SLC2A9: variants seen among roughly 807,000 people sequenced by gnomAD.
The protein encoded by SLC2A9 is solute carrier family 2 member 9.
Under a neutral mutation model 50.6 loss-of-function variants are expected in SLC2A9, and 39 were observed. The ratio of observed to expected loss-of-function variants is 0.77; its 90% CI spans 0.60 to 1.01. The LOEUF is 1.01. Among genes scored for constraint, SLC2A9 ranks in the 50% least tolerant of loss-of-function variants. SLC2A9 has a pLI of 0.00. For synonymous variants in SLC2A9, 324 were observed against 276.9 expected, an observed-to-expected ratio of 1.17 and a Z score of -1.69; for missense variants, 686 against 677.6, an observed-to-expected ratio of 1.01 and a Z score of -0.14.
intron 5 of SLC2A9, among the ~76,000 whole-genome samples, chr4:9,972,036 C>T (rs6449196): frequency 0.58 from 87,642 of 152,090 alleles, 26,470 homozygotes; most frequent in African/African-American, 0.77. Context: ...TGTCTTCTTT[C>T]ACCTCCCTGA....
intron 10 of SLC2A9, among the ~76,000 whole-genome samples, chr4:9,859,989 G>C (rs1384354551): frequency 6.6e-6 from 1 of 152,184 alleles, no homozygotes; most frequent in Admixed American, 6.5e-5. Context: ...AAACCTTCCT[G>C]CTGAGCCCTG....
intron 3 of SLC2A9, among the ~76,000 whole-genome samples, chr4:9,805,225 G>C (rs1035986824): frequency 5.3e-5 from 8 of 152,314 alleles, no homozygotes; most frequent in Admixed American, 1.3e-4. Context: ...CTTCACTCCA[G>C]AACCCAGGCT....
At chr4:9,780,655 C>A (rs957832215) in intron 3 of SLC2A9, among the ~76,000 whole-genome samples, 2 of 152,192 alleles carry the variant, frequency 1.3e-5, no homozygotes, top group African/African-American at 2.4e-5. Flanking sequence ...CTGTCACATC[C>A]CTTTCTCTCC....
chr4:9,969,392 A>C (rs2108995816), intron 5 of SLC2A9, among the ~76,000 whole-genome samples: 1 of 152,312 alleles, frequency 6.6e-6, no homozygotes, highest in South Asian at 2.1e-4. Context: ...GTAGTTTTAA[A>C]TTTTTGTCAT....
chr4:9,774,939 G>T (rs1163994913), downstream of SLC2A9, among the ~76,000 whole-genome samples: 1 of 151,900 alleles, frequency 6.6e-6, no homozygotes, highest in African/African-American at 2.4e-5. Flanking sequence ...CCAGCCAAAA[G>T]AAACCCAGCT....
intron 2 of SLC2A9, among the ~76,000 whole-genome samples, chr4:10,016,539 C>G (rs1762636965): frequency 6.6e-6 from 1 of 152,022 alleles, no homozygotes; most frequent in Admixed American, 6.6e-5. Context: ...CGGTAAAGGC[C>G]ACCCTGGCTG....
At chr4:9,868,710 A>C (rs539417884) in intron 10 of SLC2A9, among the ~76,000 whole-genome samples, 1 of 152,220 alleles carries the variant, frequency 6.6e-6, no homozygotes, top group Non-Finnish European at 1.5e-5. Flanking sequence ...CTGTGGGATT[A>C]ACTGAGCGCT....
At position 9,789,727 on chromosome 4, in the gene SLC2A9, T is replaced by C. The variant is rs1475331187; in HGVS notation, n.386-9662A>G. Among the ~76,000 whole-genome samples, 3 of 152,364 alleles carry C rather than the reference T, an allele frequency of 2.0e-5. No homozygotes were observed. In the South Asian group the frequency reaches 6.2e-4, roughly 32 times the overall value. On this transcript the variant is annotated intron_variant and non_coding_transcript_variant, in intron 3 of 3. Transcript: ENST00000503803. The stretch of plus-strand genomic sequence containing the variant: ...CAGGCAGAGCCATCAGACTTTTGCT[T>C]TGACACTGTTAATGAAGTACCATTT...
Position 9,990,160 on chromosome 4 carries a change from T to G in SLC2A9, c.411-4367A>C, listed in dbSNP as rs73805444. ...GCAGCTTTGCTCATGCCTGAGTGCT[T>G]GGCACATAGAAAGTACTCAACAGAT... On this transcript the variant is annotated intron_variant, in intron 3 of 11. Coordinates refer to ENST00000264784, the MANE Select transcript of SLC2A9 (RefSeq NM_020041.3). 3.1e-3 allele frequency among the ~76,000 whole-genome samples: 478 copies of G among 152,250 alleles called. 4 individuals are homozygous for G. The highest frequency in any genetic ancestry group is 0.011 in the African/African-American group (450 of 41,554).
At chr4:9,923,846 C>G (rs550755352) in intron 6 of SLC2A9, 2 of 152,462 alleles carry the variant, frequency 1.3e-5, no homozygotes, top group Admixed American at 1.3e-4. Context: ...ATCTGCATAT[C>G]TGGCTCTTTC....
At chr4:9,894,732 A>G (rs1414211207) in intron 8 of SLC2A9, among the ~76,000 whole-genome samples, 1 of 152,254 alleles carries the variant, frequency 6.6e-6, no homozygotes, top group Non-Finnish European at 1.5e-5. Context: ...AAGGTTGTTC[A>G]TAACTGGAAT....
chr4:9,946,110 C>T (rs1053113640), intron 5 of SLC2A9, among the ~76,000 whole-genome samples: 5 of 152,156 alleles, frequency 3.3e-5, no homozygotes, highest in African/African-American at 4.8e-5. Flanking sequence ...AGCCCTAGAG[C>T]GTCCATCTAG....
intron 6 of SLC2A9, among the ~76,000 whole-genome samples, chr4:9,927,909 A>G (rs1745200564): frequency 6.6e-6 from 1 of 152,214 alleles, no homozygotes; most frequent in Non-Finnish European, 1.5e-5. Flanking sequence ...CAGTTAGCAG[A>G]TTTGGAAATG....
At chr4:10,018,843 G>T in intron 2 of SLC2A9, 132 bp downstream of exon 2, 2 of 820,978 alleles carry the variant, frequency 2.4e-6, no homozygotes, top group Non-Finnish European at 2.0e-6. Context: ...CCGAGTGGGG[G>T]CTAATCTCTG....
intron 5 of SLC2A9, among the ~76,000 whole-genome samples, chr4:9,954,011 G>A (rs898895698): frequency 7.2e-5 from 11 of 152,006 alleles, no homozygotes; most frequent in African/African-American, 2.4e-4. Flanking sequence ...GTTTCTCCTT[G>A]TTGGTCAGGC....
At chr4:9,879,520 C>T (rs1434381811) in intron 10 of SLC2A9, 1 of 985,170 alleles carries the variant, frequency 1.0e-6, no homozygotes, top group African/African-American at 1.7e-5. Context: ...TAGGTTCTGT[C>T]AAATGCTGAT....
At chr4:9,771,259 A>G (rs1295608625) in exon 2 of SLC2A9, 2 of 378,354 alleles carry the variant, frequency 5.3e-6, no homozygotes, top group African/African-American at 4.2e-5. Flanking sequence ...CAGAAAAAGA[A>G]GGGTTTCATA....
At chr4:9,845,680 T>G (rs2109264445) in intron 10 of SLC2A9, among the ~76,000 whole-genome samples, 1 of 152,132 alleles carries the variant, frequency 6.6e-6, no homozygotes, top group South Asian at 2.1e-4. Context: ...TCCGCCCGCC[T>G]CGGCCTCCCA....
intron 10 of SLC2A9, among the ~76,000 whole-genome samples, chr4:9,851,240 G>A (rs974531148): frequency 1.3e-5 from 2 of 152,138 alleles, no homozygotes; most frequent in Non-Finnish European, 2.9e-5. Context: ...AACCTTGAGG[G>A]GCCAGAGAAC....
Sources: allele counts gnomAD v4.1 joint callset (sites outside exome capture counted in the v4.1 genomes callset), GRCh38; gene constraint gnomAD v4.1.1; transcripts MANE v1.5; gene names NCBI Gene and HGNC (gene_info 2026-07-23, HGNC 2026-07-21).